The following ROBO2 variants were observed in gnomAD, a reference collection of about 807,000 sequenced individuals.
The protein encoded by ROBO2 is roundabout homolog 2.
In ROBO2, 53 loss-of-function variants were observed where a neutral mutation model predicts 160.8. The ratio of observed to expected loss-of-function variants is 0.33; its 90% CI spans 0.26 to 0.41. The LOEUF (loss-of-function observed/expected upper bound fraction) is 0.41, where lower values mean the gene tolerates loss of function less well. Ranked by LOEUF, ROBO2 falls within the 10% of genes least tolerant of loss-of-function variation. ROBO2 has a pLI of 1.00. For missense variants in ROBO2, 1,577 were observed against 1,722.4 expected (o/e 0.92, Z 1.49); for synonymous variants, 664 against 611.7 (o/e 1.09, Z -1.26).
At chr3:76,398,530 C>T (rs1436670268) in intron 2 of ROBO2, among the ~76,000 whole-genome samples, 1 of 151,620 alleles carries the variant, frequency 6.6e-6, no homozygotes, top group Non-Finnish European at 1.5e-5. Flanking sequence ...TAGTTACGAT[C>T]TTCCCCTGGC....
At chr3:77,350,858 G>A (rs974495808) in intron 2 of ROBO2, among the ~76,000 whole-genome samples, 9 of 152,146 alleles carry the variant, frequency 5.9e-5, no homozygotes, top group African/African-American at 2.2e-4. Context: ...GTCTTTGGTT[G>A]TCTCTCAACA....
intron 2 of ROBO2, among the ~76,000 whole-genome samples, chr3:76,481,951 G>T (rs1398026352): frequency 6.6e-6 from 1 of 152,094 alleles, no homozygotes; most frequent in Non-Finnish European, 1.5e-5. Context: ...CCCTGTCTGT[G>T]TGACTGTCAG....
chr3:75,911,071 A>T (rs2106727454), intron 1 of ROBO2, among the ~76,000 whole-genome samples: 1 of 152,140 alleles, frequency 6.6e-6, no homozygotes, highest in South Asian at 2.1e-4. Context: ...GTAGTTTTTT[A>T]AAATTCTAAA....
In ROBO2 at chr3:76,537,297, T is replaced by C. The variant is rs118167227; in HGVS notation, c.110-560717T>C. ...CATTTGCCAATTTTTCGACAAAAAT[T>C]ATCTAAGTCTTGTAGGATGGAGAAA... On this transcript the variant is annotated intron_variant, in intron 2 of 26. Transcript: ENST00000487694. Among the ~76,000 whole-genome samples, 433 of 152,240 alleles carry C rather than the reference T, an allele frequency of 2.8e-3. 10 individuals carry two copies. The East Asian group carries it at 0.072, about 25-fold the overall frequency.
intron 2 of ROBO2, among the ~76,000 whole-genome samples, chr3:76,923,633 G>A (rs1422075155): frequency 6.6e-6 from 1 of 152,172 alleles, no homozygotes; most frequent in East Asian, 1.9e-4. Flanking sequence ...CCAGGAATGA[G>A]GGAAAAGAGC....
intron 1 of ROBO2, among the ~76,000 whole-genome samples, chr3:77,090,075 C>G (rs1167457000): frequency 6.6e-6 from 1 of 152,000 alleles, no homozygotes; most frequent in Admixed American, 6.6e-5. Flanking sequence ...TAGTGTAAAG[C>G]TATCAGCCTG....
intron 2 of ROBO2, among the ~76,000 whole-genome samples, chr3:77,264,777 A>G (rs2059019740): frequency 6.6e-6 from 1 of 152,080 alleles, no homozygotes; most frequent in Non-Finnish European, 1.5e-5. Context: ...TGTTTCTTTG[A>G]TATTCTTCTT....
chr3:77,249,129 G>T (rs537188443), intron 2 of ROBO2, among the ~76,000 whole-genome samples: 76 of 152,226 alleles, frequency 5.0e-4, no homozygotes, highest in South Asian at 2.7e-3. Context: ...GGGATTACAG[G>T]CGTGAGCCAC....
In ROBO2 at chr3:76,411,927, T is replaced by A. The variant is rs1016930641; in HGVS notation, c.109+474325T>A. Reference sequence around the variant, plus strand: ...TCTTTTCCCTTCGCCAAAGGTACTTTTATCCTGTGGAAGTATGTGCCTGAA... The same window carrying A: ...TCTTTTCCCTTCGCCAAAGGTACTTATATCCTGTGGAAGTATGTGCCTGAA... On this transcript the variant is annotated intron_variant, in intron 2 of 26. Transcript: ENST00000487694. 9.2e-5 allele frequency among the ~76,000 whole-genome samples: 14 copies of A among 152,324 alleles called. No individual in the cohort carries two copies. The East Asian group carries it at 9.7e-4, about 11-fold the overall frequency.
intron 2 of ROBO2, among the ~76,000 whole-genome samples, chr3:77,327,507 G>C (rs1004691939): frequency 1.3e-5 from 2 of 152,088 alleles, no homozygotes; most frequent in African/African-American, 4.8e-5. Context: ...CCATGCCCTT[G>C]AAAACCGGAC....
At chr3:75,917,505 A>G (rs1271856761) in intron 1 of ROBO2, among the ~76,000 whole-genome samples, 4 of 152,222 alleles carry the variant, frequency 2.6e-5, no homozygotes, top group Non-Finnish European at 5.9e-5. Context: ...ATACGTGTAC[A>G]TGTGTCTTTA....
intron 2 of ROBO2, among the ~76,000 whole-genome samples, chr3:75,991,307 G>T (rs755093792): frequency 1.3e-5 from 2 of 152,088 alleles, no homozygotes; most frequent in Non-Finnish European, 2.9e-5. Flanking sequence ...ATCTTGAATT[G>T]TAACTCCTAC....
intron 2 of ROBO2, among the ~76,000 whole-genome samples, chr3:76,158,305 C>T (rs1229957389): frequency 1.3e-5 from 2 of 152,072 alleles, no homozygotes; most frequent in Admixed American, 6.6e-5. Flanking sequence ...TTATCCTAGG[C>T]CCTCATTAGC....
At chr3:76,033,372 T>TA (rs1258446185) in intron 2 of ROBO2, among the ~76,000 whole-genome samples, 1 of 152,104 alleles carries the variant, frequency 6.6e-6, no homozygotes, top group Non-Finnish European at 1.5e-5. Flanking sequence ...GTGTGAATAC[T>TA]AAAAGGCCTA....
intron 4 of ROBO2, among the ~76,000 whole-genome samples, chr3:77,492,557 A>G (rs1338833197): frequency 6.6e-6 from 1 of 152,156 alleles, no homozygotes; most frequent in East Asian, 1.9e-4. Context: ...AGTAAAAAAA[A>G]ATGGGTAGAT....
intron 2 of ROBO2, among the ~76,000 whole-genome samples, chr3:76,384,174 T>C (rs148319821): frequency 6.6e-6 from 1 of 152,236 alleles, no homozygotes; most frequent in Non-Finnish European, 1.5e-5. Context: ...ACTGATACAT[T>C]TTTTCTAAGT....
intron 24 of ROBO2, among the ~76,000 whole-genome samples, chr3:77,644,319 A>T (rs2095389702): frequency 6.6e-6 from 1 of 152,166 alleles, no homozygotes; most frequent in African/African-American, 2.4e-5. Context: ...AACAAAAAAC[A>T]TGTTTCTTTA....
rs867013757 is a variant in ROBO2 at position 76,765,219 on chromosome 3, C to T, written c.110-332795C>T. 2.0e-5 allele frequency among the ~76,000 whole-genome samples: 3 copies of T among 151,776 alleles called. No individual in the cohort carries two copies. In the South Asian group the frequency reaches 6.2e-4, roughly 32 times the overall value. On this transcript the variant is annotated intron_variant, in intron 2 of 26. Transcript: ENST00000487694. ...TTTTATTAGATAATAGGCAGCTAAA[C>T]TTTAAATATGAAATACATAACATCT...
At position 76,253,343 on chromosome 3, in the gene ROBO2, G is replaced by A. The variant is rs182688099; in HGVS notation, c.109+315741G>A. On this transcript the variant is annotated intron_variant, in intron 2 of 26. Coordinates refer to the ROBO2 transcript ENST00000487694. ...GCTGGACTGCAGTGACATGACCACAGCTCACTGAAGTATTGACTCCCTAGG... is the reference window on the plus strand; with the variant it reads ...GCTGGACTGCAGTGACATGACCACAACTCACTGAAGTATTGACTCCCTAGG... Among the ~76,000 whole-genome samples, 18 of 152,074 alleles carry A rather than the reference G, an allele frequency of 1.2e-4. No individual in the cohort carries two copies. The East Asian group carries it at 3.5e-3, about 29-fold the overall frequency.
Sources: allele counts gnomAD v4.1 joint callset (sites outside exome capture counted in the v4.1 genomes callset), GRCh38; gene constraint gnomAD v4.1.1; transcripts MANE v1.5; gene names NCBI Gene and HGNC (gene_info 2026-07-23, HGNC 2026-07-21).